Variants in DGKB observed in about 807,000 individuals in gnomAD.
DGKB encodes diacylglycerol kinase beta, also known as 90 kDa diacylglycerol kinase.
Under a neutral mutation model 114.3 loss-of-function variants are expected in DGKB, and 67 were observed. That is an observed-to-expected ratio of 0.59 (90% CI 0.48 to 0.72). The LOEUF (loss-of-function observed/expected upper bound fraction) is 0.72, where lower values mean the gene tolerates loss of function less well. Among genes scored for constraint, DGKB ranks in the 30% least tolerant of loss-of-function variants. The probability of loss-of-function intolerance (pLI) is 0.00; values close to 1 mark genes in which losing one functional copy is unlikely to be tolerated. For missense variants in DGKB, 907 were observed against 975.2 expected (o/e 0.93, Z 0.93); for synonymous variants, 398 against 323.1 (o/e 1.23, Z -2.49).
chr7:14,591,861 A>G (rs528936818), intron 17 of DGKB, among the ~76,000 whole-genome samples: 1 of 152,002 alleles, frequency 6.6e-6, no homozygotes, highest in Non-Finnish European at 1.5e-5. Context: ...TTTCACTTGT[A>G]CCTAATTGTT....
At chr7:14,881,170 G>C (rs186116608) in intron 1 of DGKB, among the ~76,000 whole-genome samples, 1 of 152,208 alleles carries the variant, frequency 6.6e-6, no homozygotes, top group Admixed American at 6.5e-5. Flanking sequence ...CCAATCTGAT[G>C]AGAGAACTTT....
At chr7:14,796,889 G>A (rs927851247) in intron 2 of DGKB, among the ~76,000 whole-genome samples, 1 of 151,896 alleles carries the variant, frequency 6.6e-6, no homozygotes, top group Admixed American at 6.6e-5. Context: ...TTATAGTCTT[G>A]ATTTGGCTCC....
intron 23 of DGKB, among the ~76,000 whole-genome samples, chr7:14,250,496 C>T (rs763983605): frequency 1.5e-4 from 23 of 151,910 alleles, no homozygotes; most frequent in Non-Finnish European, 2.9e-4. Flanking sequence ...AGTTTCATGC[C>T]ATTTCGGTCA....
At chr7:14,342,562 T>G (rs187758537) in intron 22 of DGKB, among the ~76,000 whole-genome samples, 1 of 152,116 alleles carries the variant, frequency 6.6e-6, no homozygotes, top group East Asian at 1.9e-4. Context: ...TCTTTACATG[T>G]ATGTGTAAAT....
At chr7:14,893,184 C>G (rs746417463) in intron 1 of DGKB, among the ~76,000 whole-genome samples, 4 of 151,216 alleles carry the variant, frequency 2.6e-5, no homozygotes, top group African/African-American at 4.8e-5. Flanking sequence ...ACTCACTCAA[C>G]AAGTTTTTGT....
At chr7:14,163,147 C>T (rs1349288279) in intron 25 of DGKB, among the ~76,000 whole-genome samples, 2 of 151,974 alleles carry the variant, frequency 1.3e-5, no homozygotes, top group Non-Finnish European at 2.9e-5. Context: ...AAAGATGACA[C>T]CTTGGAATAT....
intron 21 of DGKB, among the ~76,000 whole-genome samples, chr7:14,413,506 G>A (rs908086573): frequency 2.0e-5 from 3 of 152,176 alleles, no homozygotes; most frequent in African/African-American, 7.2e-5. Context: ...GTATATAAAA[G>A]TTACGAGGTT....
chr7:14,841,066 T>C (rs1318761267), intron 2 of DGKB, 128 bp downstream of exon 2: 2 of 772,860 alleles, frequency 2.6e-6, no homozygotes, highest in Non-Finnish European at 4.0e-6. Flanking sequence ...ACCTGACTTG[T>C]AAACACAAAA....
At chr7:14,445,402 A>T (rs981787803) in intron 21 of DGKB, among the ~76,000 whole-genome samples, 1 of 151,956 alleles carries the variant, frequency 6.6e-6, no homozygotes, top group Non-Finnish European at 1.5e-5. Context: ...TGAGGAAAAA[A>T]TCCAAATAGA....
At chr7:14,509,676 C>A (rs1299008944) in intron 20 of DGKB, among the ~76,000 whole-genome samples, 3 of 152,186 alleles carry the variant, frequency 2.0e-5, no homozygotes, top group Admixed American at 6.5e-5. Flanking sequence ...ATAAATCGGG[C>A]AGAGCCCGAG....
intron 13 of DGKB, among the ~76,000 whole-genome samples, chr7:14,665,458 A>G (rs544714272): frequency 5.7e-4 from 87 of 152,104 alleles, no homozygotes; most frequent in Non-Finnish European, 1.1e-3. Context: ...CTGTACAACA[A>G]GCCCCCGTGA....
At chr7:14,249,560 G>A (rs1794936849) in intron 23 of DGKB, among the ~76,000 whole-genome samples, 1 of 152,030 alleles carries the variant, frequency 6.6e-6, no homozygotes, top group Non-Finnish European at 1.5e-5. Context: ...TTATCATTTA[G>A]TTTTGGTAGA....
chr7:14,766,207 C>A (rs1836431813), intron 2 of DGKB, among the ~76,000 whole-genome samples: 1 of 151,918 alleles, frequency 6.6e-6, no homozygotes, highest in South Asian at 2.1e-4. Context: ...TGGAATATAT[C>A]ATTGAACAAA....
intron 20 of DGKB, among the ~76,000 whole-genome samples, chr7:14,558,754 G>A (rs1317600191): frequency 6.6e-6 from 1 of 152,134 alleles, no homozygotes; most frequent in Non-Finnish European, 1.5e-5. Flanking sequence ...ATGGCTGTTG[G>A]AGACCAGAAC....
At chr7:14,438,494 C>T (rs1172964864) in intron 21 of DGKB, among the ~76,000 whole-genome samples, 1 of 152,088 alleles carries the variant, frequency 6.6e-6, no homozygotes, top group Admixed American at 6.6e-5. Context: ...TATGTGTTAA[C>T]TGAGAACAAT....
chr7:14,835,806 G>C (rs1163057415), intron 2 of DGKB, among the ~76,000 whole-genome samples: 2 of 152,056 alleles, frequency 1.3e-5, no homozygotes, highest in Non-Finnish European at 2.9e-5. Flanking sequence ...CAATCTTCAT[G>C]AAAAACATAA....
chr7:14,528,234 C>G (rs955673030), intron 20 of DGKB, among the ~76,000 whole-genome samples: 1 of 152,104 alleles, frequency 6.6e-6, no homozygotes, highest in Non-Finnish European at 1.5e-5. Context: ...CAGCTGCTCT[C>G]ACCTTTATAA....
intron 13 of DGKB, among the ~76,000 whole-genome samples, chr7:14,643,310 G>C (rs1163400482): frequency 3.3e-5 from 5 of 152,052 alleles, no homozygotes; most frequent in Non-Finnish European, 1.5e-5. Flanking sequence ...CACAGACCCC[G>C]AGCCTAGTGC....
At chr7:14,727,629 A>G (rs756887454) in intron 5 of DGKB, among the ~76,000 whole-genome samples, 24 of 152,174 alleles carry the variant, frequency 1.6e-4, no homozygotes, top group Non-Finnish European at 3.2e-4. Flanking sequence ...TAAGAAATAC[A>G]CCAATATATT....
Sources: gnomAD v4.1 joint callset for allele counts (sites outside exome capture counted in the v4.1 genomes callset) on GRCh38, gnomAD v4.1.1 for gene constraint, MANE v1.5 for transcripts, NCBI Gene and HGNC (gene_info 2026-07-23, HGNC 2026-07-21) for gene names.